The following EYS variants were observed in gnomAD, a reference collection of about 807,000 sequenced individuals.
EYS encodes the protein protein eyes shut homolog.
A neutral mutation model predicts 282.1 loss-of-function variants in EYS; 250 were observed. The observed-to-expected ratio is 0.89, with a 90% CI of 0.80 to 0.98. The LOEUF is 0.98. Ranked by LOEUF, EYS falls within the 50% of genes least tolerant of loss-of-function variation. EYS has a pLI of 0.00. For missense variants in EYS, 4,016 were observed against 3,709.0 expected (o/e 1.08, Z -2.15); for synonymous variants, 1,355 against 1,282.9 (o/e 1.06, Z -1.20).
chr6:64,225,627 A>G (rs760169557), intron 31 of EYS, among the ~76,000 whole-genome samples: 1 of 152,154 alleles, frequency 6.6e-6, no homozygotes, highest in Non-Finnish European at 1.5e-5. Context: ...TCTCCCTTAG[A>G]TACTCCAGTA....
At chr6:63,777,325 G>A (rs532585138) in intron 40 of EYS, among the ~76,000 whole-genome samples, 3 of 152,196 alleles carry the variant, frequency 2.0e-5, no homozygotes, top group East Asian at 1.9e-4. Flanking sequence ...GCAGGGAGCC[G>A]GTGTTCCTGG....
chr6:63,791,738 A>G (rs1770519636), intron 37 of EYS, among the ~76,000 whole-genome samples: 1 of 152,204 alleles, frequency 6.6e-6, no homozygotes, highest in South Asian at 2.1e-4. Flanking sequence ...AGAGACTCTT[A>G]GGAATCATGA....
intron 7 of EYS, among the ~76,000 whole-genome samples, chr6:65,389,997 A>T (rs1293546538): frequency 2.0e-5 from 3 of 152,030 alleles, no homozygotes; most frequent in African/African-American, 7.2e-5. Flanking sequence ...TTGCTTTTTT[A>T]AAAATTTATG....
At chr6:64,418,193 C>T (rs1048298022) in intron 28 of EYS, among the ~76,000 whole-genome samples, 8 of 152,012 alleles carry the variant, frequency 5.3e-5, no homozygotes, top group Admixed American at 1.3e-4. Flanking sequence ...TTAATTATTT[C>T]ATACTGTAGC....
intron 12 of EYS, among the ~76,000 whole-genome samples, chr6:65,098,445 A>C (rs1029674137): frequency 8.0e-5 from 12 of 150,810 alleles, no homozygotes; most frequent in Non-Finnish European, 1.6e-4. Context: ...TAAGCTTTGA[A>C]CTAGTCAAGC....
rs548294879 is a variant in EYS, at chr6:64,815,158, C to G, written c.3244-1581G>C. Reference sequence around the variant, plus strand: ...TAGTGATCTTGTACACCCCCACCCCCTACAAGTGATAGAACTAAGTATGTT... The same window carrying G: ...TAGTGATCTTGTACACCCCCACCCCGTACAAGTGATAGAACTAAGTATGTT... On this transcript the variant is annotated intron_variant, in intron 21 of 42. Transcript: ENST00000503581. 21 of 421,256 alleles carry G rather than the reference C, an allele frequency of 5.0e-5. No individual in the cohort carries two copies. The East Asian group carries it at 1.5e-3, about 29-fold the overall frequency. 26.1% of individuals were successfully genotyped at this position (421,256 alleles called of 1,614,324 possible). A position where few individuals can be genotyped will look rare whatever the true frequency, so the allele number is the denominator to read the frequency against.
chr6:64,446,768 T>C (rs1053989699), intron 26 of EYS, among the ~76,000 whole-genome samples: 10 of 152,130 alleles, frequency 6.6e-5, no homozygotes, highest in Non-Finnish European at 1.5e-4. Context: ...TAAAGATATA[T>C]ATAATTTGGT....
chr6:65,396,309 C>T (rs1766278186), intron 7 of EYS, among the ~76,000 whole-genome samples: 1 of 152,048 alleles, frequency 6.6e-6, no homozygotes, highest in Non-Finnish European at 1.5e-5. Context: ...CTTACATAAT[C>T]TTAATGTTAA....
chr6:64,170,366 G>A (rs561977452), intron 31 of EYS, among the ~76,000 whole-genome samples: 86 of 152,194 alleles, frequency 5.7e-4, no homozygotes, highest in Non-Finnish European at 1.1e-3. Context: ...TTACCACAAC[G>A]TGGGTGGTTT....
At chr6:64,422,507 T>C (rs564517592) in intron 28 of EYS, among the ~76,000 whole-genome samples, 3 of 152,212 alleles carry the variant, frequency 2.0e-5, no homozygotes, top group Non-Finnish European at 4.4e-5. Flanking sequence ...ACTTGGTCAA[T>C]TGGAATGGCT....
intron 26 of EYS, among the ~76,000 whole-genome samples, chr6:64,515,328 A>G (rs969886409): frequency 6.6e-6 from 1 of 151,716 alleles, no homozygotes; most frequent in African/African-American, 2.4e-5. Flanking sequence ...TATTTGTAAA[A>G]GTAAGTAAAA....
chr6:65,542,473 ATGTG>A (rs35318949), intron 2 of EYS, among the ~76,000 whole-genome samples: 57,325 of 146,324 alleles, frequency 0.39, 10,925 homozygotes, highest in Admixed American at 0.44. Context: ...TAACAATAGA[ATGTG>A]TGTGTGTGTG....
At chr6:65,218,745 T>C (rs754395449) in intron 12 of EYS, among the ~76,000 whole-genome samples, 1 of 152,118 alleles carries the variant, frequency 6.6e-6, no homozygotes, top group Non-Finnish European at 1.5e-5. Flanking sequence ...CCAGAAATAC[T>C]GTTAAATATG....
intron 41 of EYS, among the ~76,000 whole-genome samples, chr6:63,736,762 T>C (rs1374504475): frequency 6.6e-6 from 1 of 151,958 alleles, no homozygotes; most frequent in African/African-American, 2.4e-5. Flanking sequence ...TTTTATTTCA[T>C]TGAGCAGTGG....
At chr6:65,051,592 A>G (rs1773270887) in intron 13 of EYS, among the ~76,000 whole-genome samples, 1 of 151,602 alleles carries the variant, frequency 6.6e-6, no homozygotes, top group Non-Finnish European at 1.5e-5. Flanking sequence ...TTTTAAGTAT[A>G]TAATACATTG....
intron 35 of EYS, among the ~76,000 whole-genome samples, chr6:63,889,778 C>A (rs1773361103): frequency 6.6e-6 from 1 of 152,126 alleles, no homozygotes; most frequent in Non-Finnish European, 1.5e-5. Flanking sequence ...ACAATATTAA[C>A]CTTAACTGAA....
rs1274343473 is a variant in EYS, at chr6:65,365,944, A to C, written c.1300-12327T>G. On this transcript the variant is annotated intron_variant, in intron 8 of 42. Transcript: ENST00000503581. ...CTTTTGAGTACAAGGTGAAAACATGACTTTGCAATTGTTATAGATAACATA... is the reference window on the plus strand; with the variant it reads ...CTTTTGAGTACAAGGTGAAAACATGCCTTTGCAATTGTTATAGATAACATA... 2.6e-5 allele frequency among the ~76,000 whole-genome samples: 4 copies of C among 151,706 alleles called. 1 individual carries two copies. Among genetic ancestry groups the C allele is most frequent in the Admixed American group, 2.0e-4 (3 of 14,940 alleles).
rs541686382 is a variant in EYS at position 64,651,807 on chromosome 6, TA to T, written c.3444-25563del. Reference sequence around the variant, plus strand: ...ATGAATATGAACATAAAGAAAGACATATTAGTGAACAATAAACCTAACTCAA... The same window carrying T: ...ATGAATATGAACATAAAGAAAGACATTTAGTGAACAATAAACCTAACTCAA... On this transcript the variant is annotated intron_variant, in intron 22 of 42. Transcript: ENST00000503581. 1.8e-4 allele frequency among the ~76,000 whole-genome samples: 28 copies of T among 152,326 alleles called. 1 individual carries two copies. The South Asian group carries it at 5.8e-3, about 32-fold the overall frequency.
intron 22 of EYS, among the ~76,000 whole-genome samples, chr6:64,686,857 G>GTGTGTA (rs1554193130): frequency 4.6e-5 from 1 of 21,528 alleles, no homozygotes; most frequent in East Asian, 5.6e-4. Context: ...ATATATATGT[G>GTGTGTA]TATATATATA....
Sources: allele counts gnomAD v4.1 joint callset (sites outside exome capture counted in the v4.1 genomes callset), GRCh38; gene constraint gnomAD v4.1.1; transcripts MANE v1.5; gene names NCBI Gene and HGNC (gene_info 2026-07-23, HGNC 2026-07-21).